The following ABCC6 variants were observed in gnomAD, a reference collection of about 807,000 sequenced individuals.
The protein encoded by ABCC6 is ATP-binding cassette sub-family C member 6.
ABCC6 carries 126 observed loss-of-function variants against 169.5 expected under a neutral mutation model. The observed-to-expected ratio is 0.74, with a 90% CI of 0.64 to 0.86. The LOEUF (loss-of-function observed/expected upper bound fraction) is 0.86, where lower values mean the gene tolerates loss of function less well. Among genes scored for constraint, ABCC6 ranks in the 40% least tolerant of loss-of-function variants. ABCC6 has a pLI of 0.00. For synonymous variants in ABCC6, 752 were observed against 814.7 expected (o/e 0.92, Z 1.31); for missense variants, 1,733 against 1,927.2 (o/e 0.90, Z 1.89).
intron 22 of ABCC6, among the ~76,000 whole-genome samples, chr16:16,168,540 T>C (rs1322482371): frequency 6.6e-6 from 1 of 152,054 alleles, no homozygotes; most frequent in Non-Finnish European, 1.5e-5. Context: ...TGCACTCCTG[T>C]TACTCCCTTC....
At chr16:16,188,602 A>G (rs1254743764) in intron 13 of ABCC6, among the ~76,000 whole-genome samples, 2 of 152,192 alleles carry the variant, frequency 1.3e-5, no homozygotes, top group Non-Finnish European at 2.9e-5. Context: ...GTGTGTGTGG[A>G]AAGGTCTGCA....
At chr16:16,186,181 G>A (rs754016650) in intron 14 of ABCC6, among the ~76,000 whole-genome samples, 10 of 152,240 alleles carry the variant, frequency 6.6e-5, no homozygotes, top group Non-Finnish European at 1.3e-4. Context: ...GTCTTGGCCC[G>A]TGGCATAAAA....
chr16:16,202,917 T>G (rs565854965), intron 8 of ABCC6, among the ~76,000 whole-genome samples: 1 of 152,184 alleles, frequency 6.6e-6, no homozygotes, highest in South Asian at 2.1e-4. Context: ...CAAGAGAAAA[T>G]GTGGTTTTTG....
intron 15 of ABCC6, among the ~76,000 whole-genome samples, chr16:16,184,555 C>T (rs774249790): frequency 7.9e-5 from 12 of 152,148 alleles, no homozygotes; most frequent in Non-Finnish European, 1.2e-4. Context: ...AAAGACCAAG[C>T]GATAGAGTTG....
intron 18 of ABCC6, among the ~76,000 whole-genome samples, chr16:16,178,583 C>A (rs2047364840): frequency 6.6e-6 from 1 of 152,122 alleles, no homozygotes; most frequent in Admixed American, 6.6e-5. Context: ...GTAGTTAAAT[C>A]ACAGATCCAT....
chr16:16,186,715 T>C (rs1452215917), intron 14 of ABCC6, among the ~76,000 whole-genome samples: 1 of 151,092 alleles, frequency 6.6e-6, no homozygotes, highest in Admixed American at 6.6e-5. Context: ...TGTATAATTA[T>C]TTCATTATAT....
At chr16:16,188,326 A>G (rs2047722970) in intron 13 of ABCC6, among the ~76,000 whole-genome samples, 1 of 151,954 alleles carries the variant, frequency 6.6e-6, no homozygotes, top group Admixed American at 6.6e-5. Flanking sequence ...TGCGAGGTAG[A>G]TCTTGCAGTG....
At chr16:16,179,886 C>A (rs145254147) in intron 17 of ABCC6, among the ~76,000 whole-genome samples, 2 of 152,162 alleles carry the variant, frequency 1.3e-5, no homozygotes, top group East Asian at 1.9e-4. Flanking sequence ...CCACTGCGCC[C>A]GGCCTACTTG....
At chr16:16,204,645 AG>A (rs985110468) in intron 7 of ABCC6, among the ~76,000 whole-genome samples, 2 of 152,074 alleles carry the variant, frequency 1.3e-5, no homozygotes, top group African/African-American at 4.8e-5. Context: ...CCTGTGAGGC[AG>A]GTCAGAAGCC....
chr16:16,179,024 C>T, intron 17 of ABCC6, 59 bp from the exon 18 acceptor site: 1 of 1,581,054 alleles, frequency 6.3e-7, no homozygotes, highest in Non-Finnish European at 8.6e-7. Context: ...AACTGGGGTG[C>T]CCAGGCTGTG....
At chr16:16,196,454 T>G (rs907560898) in intron 10 of ABCC6, among the ~76,000 whole-genome samples, 6 of 152,156 alleles carry the variant, frequency 3.9e-5, no homozygotes, top group African/African-American at 1.4e-4. Context: ...AATGATAATA[T>G]TACAAATACC....
At chr16:16,217,012 C>G (rs564988484) in intron 4 of ABCC6, among the ~76,000 whole-genome samples, 2 of 152,122 alleles carry the variant, frequency 1.3e-5, no homozygotes, top group Admixed American at 1.3e-4. Context: ...CTGGATCAGT[C>G]ATGCCTGGGA....
intron 20 of ABCC6, among the ~76,000 whole-genome samples, chr16:16,174,760 A>AACCCCCCC (rs1555511582): frequency 2.1e-5 from 2 of 94,630 alleles, no homozygotes; most frequent in African/African-American, 3.4e-5. Flanking sequence ...CTGTCTCAAA[A>AACCCCCCC]CCCCCCCCCG....
chr16:16,215,386 C>A (rs2048825110), intron 4 of ABCC6, among the ~76,000 whole-genome samples: 1 of 151,324 alleles, frequency 6.6e-6, no homozygotes. Flanking sequence ...TCAGAAACAC[C>A]CTAATTTTCT....
rs767444769 is a variant in ABCC6 at position 16,154,847 on chromosome 16, T to A, written c.4041+26A>T. ...CCGGGTCCCACCATGCCTCCCATCT[T>A]TGCCCACCCCCTCCACCAGCCTCAC... On this transcript the variant is annotated intron_variant, in intron 28 of 30. Transcript: ENST00000205557. 1.3e-5 allele frequency: 21 copies of A among 1,611,156 alleles called. No individual in the cohort carries two copies. In the South Asian group the frequency reaches 2.3e-4, roughly 18 times the overall value.
At position 16,169,740 on chromosome 16, in the gene ABCC6, C is replaced by G. The variant is rs2152235595; in HGVS notation, c.2901G>C (p.Trp967Cys). ...CAGGGTCGTCCGCCCACAGGCTCAG[C>G]CAGTAGCCCCGGCAGAAGGAGGCCA... ...QQVASFCRGY[W>C]LSLWADDPAV... is the part of the protein sequence containing the mutation. The change falls in exon 22 of 31, where the codon TGG (tryptophan) becomes TGC (cysteine). Residue 967 changes from tryptophan to cysteine, a missense_variant. Transcript: ENST00000205557. 6 of 1,607,820 alleles carry G rather than the reference C, an allele frequency of 3.7e-6. No individual in the cohort carries two copies. Among genetic ancestry groups the G allele is most frequent in the Non-Finnish European group, 5.1e-6 (6 of 1,177,696 alleles).
At chr16:16,175,780 G>A (rs966539501) in intron 20 of ABCC6, 131 bp downstream of exon 20, 4 of 1,072,750 alleles carry the variant, frequency 3.7e-6, no homozygotes, top group South Asian at 1.3e-5. Flanking sequence ...GCACCATGGG[G>A]GGGACTTCAG....
chr16:16,157,118 T>C (rs1259282291), intron 27 of ABCC6, among the ~76,000 whole-genome samples: 1 of 151,958 alleles, frequency 6.6e-6, no homozygotes, highest in Non-Finnish European at 1.5e-5. Flanking sequence ...GGGATAGTAC[T>C]AGCACCTCAC....
At chr16:16,177,751 TG>T in intron 18 of ABCC6, 125 bp from the exon 19 acceptor site, 1 of 1,178,342 alleles carries the variant, frequency 8.5e-7, no homozygotes, top group East Asian at 2.4e-5. Flanking sequence ...GAGACCAGCC[TG>T]GCTGACACGG....
Sources: allele counts gnomAD v4.1 joint callset (sites outside exome capture counted in the v4.1 genomes callset), GRCh38; gene constraint gnomAD v4.1.1; transcripts MANE v1.5; gene names NCBI Gene and HGNC (gene_info 2026-07-23, HGNC 2026-07-21).